Variants in KSR2 observed in about 807,000 individuals in gnomAD.
The protein encoded by KSR2 is kinase suppressor of ras 2.
KSR2 carries 25 observed loss-of-function variants against 107.8 expected under a neutral mutation model. The ratio of observed to expected loss-of-function variants is 0.23; its 90% CI spans 0.17 to 0.32. The LOEUF (loss-of-function observed/expected upper bound fraction) is 0.32. KSR2 is among the 10% of genes least tolerant of loss of function. The pLI, the probability that KSR2 is intolerant of heterozygous loss-of-function variation, is 1.00. For missense variants in KSR2, 887 were observed against 1,268.9 expected, an observed-to-expected ratio of 0.70 and a Z score of 4.57; for synonymous variants, 480 against 507.0, an observed-to-expected ratio of 0.95 and a Z score of 0.71.
At chr12:117,663,246 G>A (rs570590474) in intron 5 of KSR2, among the ~76,000 whole-genome samples, 1 of 152,306 alleles carries the variant, frequency 6.6e-6, no homozygotes, top group East Asian at 1.9e-4. Flanking sequence ...CAGAGTGGAG[G>A]ATTCAAAAGG....
intron 1 of KSR2, among the ~76,000 whole-genome samples, chr12:117,951,708 C>T (rs1896369019): frequency 6.6e-6 from 1 of 152,144 alleles, no homozygotes; most frequent in African/African-American, 2.4e-5. Context: ...TTGTCTCTAC[C>T]TGCTAGGTTC....
At chr12:117,669,403 A>G (rs1198392978) in intron 4 of KSR2, among the ~76,000 whole-genome samples, 2 of 152,192 alleles carry the variant, frequency 1.3e-5, no homozygotes, top group Admixed American at 6.5e-5. Flanking sequence ...ATTTCTTAGT[A>G]TAGAGCTACC....
intron 4 of KSR2, among the ~76,000 whole-genome samples, chr12:117,717,116 C>A (rs1396811972): frequency 6.6e-6 from 1 of 152,338 alleles, no homozygotes; most frequent in East Asian, 1.9e-4. Flanking sequence ...GTGATCCACT[C>A]TCCCAGCCCA....
At chr12:117,537,679 A>C (rs1876147760) in intron 10 of KSR2, among the ~76,000 whole-genome samples, 1 of 152,206 alleles carries the variant, frequency 6.6e-6, no homozygotes, top group Admixed American at 6.5e-5. Flanking sequence ...TGCCATGCTG[A>C]AGTGCTTTTA....
chr12:117,505,820 A>G (rs564067682), intron 14 of KSR2, among the ~76,000 whole-genome samples: 1 of 152,214 alleles, frequency 6.6e-6, no homozygotes, highest in Admixed American at 6.5e-5. Flanking sequence ...TATACCAAGA[A>G]CACCCTTCCT....
Position 117,558,503 on chromosome 12 carries a change from T to C in KSR2, c.1393+3A>G. 6.2e-7 allele frequency: 1 copy of C among 1,613,638 alleles called. No homozygotes were observed. Among genetic ancestry groups the C allele is most frequent in the South Asian group, 1.1e-5 (1 of 91,072 alleles). ...CCTAGGGCAGTAAGTGTTAAATAGT[T>C]ACCTCCTCGGTGGATGATCAGAAGA... On this transcript the variant is annotated splice_donor_region_variant and intron_variant, in intron 8 of 19. Transcript: ENST00000339824.
Position 117,476,488 on chromosome 12 carries a change from T to C in KSR2, c.2558A>G (p.Lys853Arg), listed in dbSNP as rs1478189520. ...DTEEDKLPFS[K>R]HSDVFALGTI... is the part of the protein sequence containing the mutation. ...CCCAAGGGCAAAGACGTCAGAGTGC[T>C]TGGAGAAGGGGAGCTTATCCTCCTC... Residue 853 changes from lysine to arginine, a missense_variant, in exon 17 of 20, where the codon AAG (lysine) becomes AGG (arginine). Physicochemically the swap from Lys to Arg is conservative, Grantham distance 26. Coordinates refer to ENST00000339824, the MANE Select transcript of KSR2 (RefSeq NM_173598.6). The C allele has an allele frequency of 6.2e-7, 1 of 1,605,084 alleles. No homozygotes were observed. The highest frequency in any genetic ancestry group is 1.1e-5 in the South Asian group (1 of 88,824).
intron 1 of KSR2, among the ~76,000 whole-genome samples, chr12:117,947,175 AAAG>A (rs1435470483): frequency 2.3e-5 from 1 of 42,688 alleles, no homozygotes; most frequent in Non-Finnish European, 4.4e-5. Context: ...CAAAAGAAAG[AAAG>A]AAAGAAAGAA....
chr12:117,722,141 T>G (rs1887233571), intron 4 of KSR2, among the ~76,000 whole-genome samples: 1 of 152,208 alleles, frequency 6.6e-6, no homozygotes. Flanking sequence ...CCTAAGTAGC[T>G]GGGACTACAG....
Position 117,530,961 on chromosome 12 carries a change from A to C in KSR2, c.1782T>G (p.His594Gln). Reference sequence around the variant, plus strand: ...CTTACATTGGATTCGAGGTCACCGGATGCAGGATGACCTGGGGCGCCCGGG... The same window carrying C: ...CTTACATTGGATTCGAGGTCACCGGCTGCAGGATGACCTGGGGCGCCCGGG... ...TPTRAPQVILHPVTSNPILEG... is the reference protein window; with the variant it reads ...TPTRAPQVILQPVTSNPILEG... Residue 594 changes from histidine to glutamine, a missense_variant, in exon 12 of 20, where the codon CAT becomes CAG. This residue lies in a region of KSR2 where 308 missense variants were observed against 506.2 expected (regional missense o/e 0.61). Transcript: ENST00000339824. 1 of 1,613,762 alleles carries C rather than the reference A, an allele frequency of 6.2e-7. No homozygotes were observed. The highest frequency in any genetic ancestry group is 1.1e-5 in the South Asian group (1 of 91,028).
chr12:117,774,260 G>T (rs972069894), intron 3 of KSR2, among the ~76,000 whole-genome samples: 3 of 152,138 alleles, frequency 2.0e-5, no homozygotes, highest in Non-Finnish European at 4.4e-5. Context: ...GAAAATCCAG[G>T]AAAATTTTTT....
At chr12:117,572,583 A>G (rs939165221) in intron 7 of KSR2, among the ~76,000 whole-genome samples, 1 of 151,988 alleles carries the variant, frequency 6.6e-6, no homozygotes, top group Admixed American at 6.6e-5. Context: ...CAGAACCAAA[A>G]CATAATCTGA....
At chr12:117,675,690 C>T (rs1885086785) in intron 4 of KSR2, among the ~76,000 whole-genome samples, 1 of 152,216 alleles carries the variant, frequency 6.6e-6, no homozygotes, top group South Asian at 2.1e-4. Flanking sequence ...GCTCACATGG[C>T]CTCAGCCTCC....
chr12:117,906,781 C>G (rs527879530), intron 1 of KSR2, among the ~76,000 whole-genome samples: 11 of 152,254 alleles, frequency 7.2e-5, no homozygotes, highest in Non-Finnish European at 1.3e-4. Context: ...CATGGTGGCT[C>G]ATGCCTGTAA....
chr12:117,606,594 T>C (rs147618470), intron 5 of KSR2, among the ~76,000 whole-genome samples: 1 of 8,858 alleles, frequency 1.1e-4, no homozygotes, highest in Admixed American at 1.4e-3. Context: ...TCTTCCTTCC[T>C]TCTTTCCTCC....
In KSR2 at chr12:117,511,740, G is replaced by A. The variant is rs117769339; in HGVS notation, c.2219+13112C>T. 5.1e-3 allele frequency among the ~76,000 whole-genome samples: 783 copies of A among 152,168 alleles called. 8 individuals are homozygous for A. The highest frequency in any genetic ancestry group is 9.6e-3 in the Non-Finnish European group (653 of 68,000). ...CCCTCTTTCATATGAAAAATGATTC[G>A]CCCAAGTGACCAACTTCCCTTCCGT... On this transcript the variant is annotated intron_variant, in intron 14 of 19. Transcript: ENST00000339824.
chr12:117,631,178 G>A (rs986835732), intron 5 of KSR2, among the ~76,000 whole-genome samples: 1 of 152,166 alleles, frequency 6.6e-6, no homozygotes. Flanking sequence ...GCCTGTACCT[G>A]TAATCCCAGC....
chr12:117,537,959 C>T (rs1355618388), intron 10 of KSR2, among the ~76,000 whole-genome samples: 6 of 152,180 alleles, frequency 3.9e-5, no homozygotes, highest in Middle Eastern at 3.2e-3. Flanking sequence ...AACGGCCCTT[C>T]CCCATCCCTT....
At chr12:117,595,419 C>T (rs1880579327) in intron 5 of KSR2, among the ~76,000 whole-genome samples, 1 of 128,020 alleles carries the variant, frequency 7.8e-6, no homozygotes, top group African/African-American at 3.1e-5. Flanking sequence ...CTGCGGACTG[C>T]AGTGGCGCAA....
Sources: allele counts gnomAD v4.1 joint callset (sites outside exome capture counted in the v4.1 genomes callset), GRCh38; gene constraint gnomAD v4.1.1; regional missense constraint gnomAD v4.1.1; transcripts MANE v1.5; gene names NCBI Gene and HGNC (gene_info 2026-07-23, HGNC 2026-07-21).